The following ANKS1A variants were observed in gnomAD, a reference collection of about 807,000 sequenced individuals.
The protein encoded by ANKS1A is ankyrin repeat and sterile alpha motif domain containing 1A.
ANKS1A carries 55 observed loss-of-function variants against 120.3 expected under a neutral mutation model. The ratio of observed to expected loss-of-function variants is 0.46; its 90% CI spans 0.37 to 0.57. ANKS1A has a LOEUF of 0.57. Ranked by LOEUF, ANKS1A falls within the 20% of genes least tolerant of loss-of-function variation. ANKS1A has a pLI of 0.00. For missense variants in ANKS1A, 1,123 were observed against 1,480.3 expected, an observed-to-expected ratio of 0.76 and a Z score of 3.96; for synonymous variants, 590 against 604.7, an observed-to-expected ratio of 0.98 and a Z score of 0.36.
chr6:35,015,889 C>A (rs1773976404), intron 10 of ANKS1A, among the ~76,000 whole-genome samples: 1 of 152,144 alleles, frequency 6.6e-6, no homozygotes, highest in Admixed American at 6.5e-5. Flanking sequence ...ACCTGGCTAC[C>A]CTCTCCAGTT....
At chr6:34,986,739 A>G (rs998949022) in intron 8 of ANKS1A, among the ~76,000 whole-genome samples, 1 of 152,228 alleles carries the variant, frequency 6.6e-6, no homozygotes, top group Non-Finnish European at 1.5e-5. Flanking sequence ...GTGGTAGTCC[A>G]CCAAAGTGGG....
intron 10 of ANKS1A, among the ~76,000 whole-genome samples, chr6:35,000,882 A>G (rs1460471471): frequency 6.7e-6 from 1 of 148,560 alleles, no homozygotes; most frequent in Non-Finnish European, 1.5e-5. Flanking sequence ...TGTTAATTGT[A>G]AAAAAAAAAA....
Position 34,983,518 on chromosome 6 carries a change from T to C in ANKS1A, c.1012+93T>C, listed in dbSNP as rs189721419. On this transcript the variant is annotated intron_variant, in intron 7 of 23. Coordinates refer to ENST00000360359, the MANE Select transcript of ANKS1A (RefSeq NM_015245.3). ...AATGGAAAAATCTTAATTTAAATAATAATTTTGGGGGATTGTGAGTACTTA... is the reference window on the plus strand; with the variant it reads ...AATGGAAAAATCTTAATTTAAATAACAATTTTGGGGGATTGTGAGTACTTA... The C allele has an allele frequency of 1.6e-3, 1,777 of 1,102,486 alleles. 7 individuals carry two copies. The highest frequency in any genetic ancestry group is 1.5e-3 in the Non-Finnish European group (1,147 of 757,240). The allele number at this position is 1,102,486 out of a possible 1,614,324, so 68.3% of individuals were successfully genotyped here.
chr6:34,899,753 C>T (rs1187334350), intron 1 of ANKS1A, among the ~76,000 whole-genome samples: 1 of 152,200 alleles, frequency 6.6e-6, no homozygotes, highest in Non-Finnish European at 1.5e-5. Context: ...GAGCCCCAGT[C>T]TTGGCTTTGC....
intron 1 of ANKS1A, among the ~76,000 whole-genome samples, chr6:34,915,181 C>T (rs924145882): frequency 1.3e-5 from 2 of 152,138 alleles, no homozygotes; most frequent in African/African-American, 4.8e-5. Context: ...AATATAAATC[C>T]CATCAGGGCT....
chr6:35,038,088 G>T (rs1375027955), intron 11 of ANKS1A, among the ~76,000 whole-genome samples: 3 of 152,170 alleles, frequency 2.0e-5, no homozygotes, highest in African/African-American at 7.2e-5. Context: ...GGTAAGAGTA[G>T]TAGAAGACAG....
intron 11 of ANKS1A, among the ~76,000 whole-genome samples, chr6:35,032,307 T>C (rs1027234531): frequency 1.3e-5 from 2 of 152,144 alleles, no homozygotes; most frequent in Non-Finnish European, 2.9e-5. Context: ...CAGGAGAGGA[T>C]GAGGTCAAGT....
chr6:34,914,879 G>A (rs1768082686), intron 1 of ANKS1A, among the ~76,000 whole-genome samples: 1 of 152,116 alleles, frequency 6.6e-6, no homozygotes, highest in African/African-American at 2.4e-5. Context: ...TCTCTTCCTG[G>A]TGGTCTTATA....
At chr6:34,958,881 A>G (rs1456662417) in intron 1 of ANKS1A, among the ~76,000 whole-genome samples, 1 of 152,146 alleles carries the variant, frequency 6.6e-6, no homozygotes, top group African/African-American at 2.4e-5. Flanking sequence ...CAGTTTGTGT[A>G]CTTCCTTCCC....
intron 11 of ANKS1A, among the ~76,000 whole-genome samples, chr6:35,025,094 C>T (rs1054946986): frequency 6.6e-6 from 1 of 151,984 alleles, no homozygotes; most frequent in Non-Finnish European, 1.5e-5. Flanking sequence ...AGATGAAACA[C>T]CCTTTATATT....
chr6:34,922,802 C>T (rs1412432563), intron 1 of ANKS1A, among the ~76,000 whole-genome samples: 1 of 150,876 alleles, frequency 6.6e-6, no homozygotes, highest in Non-Finnish European at 1.5e-5. Context: ...CAAGTGATTC[C>T]CCTGCCTCAG....
intron 13 of ANKS1A, among the ~76,000 whole-genome samples, chr6:35,063,753 G>A (rs1303029073): frequency 6.6e-6 from 1 of 152,186 alleles, no homozygotes; most frequent in African/African-American, 2.4e-5. Flanking sequence ...AAATAACGTA[G>A]GTGTCTTAAG....
rs1038435922 is a variant in ANKS1A at position 35,018,068 on chromosome 6, G to A, written c.2010+9G>A. 8 of 1,610,158 alleles carry A rather than the reference G, an allele frequency of 5.0e-6. No homozygotes were observed. The highest frequency in any genetic ancestry group is 1.7e-5 in the Admixed American group (1 of 59,898). On this transcript the variant is annotated intron_variant, in intron 11 of 23. Coordinates refer to ENST00000360359, the MANE Select transcript of ANKS1A (RefSeq NM_015245.3). ...CCTCGGAGTGGGATGAGGTAAGGCC[G>A]ACATGACGTCACAGGGAGCTGGGCT...
chr6:35,024,941 C>T (rs2127564276), intron 11 of ANKS1A, among the ~76,000 whole-genome samples: 1 of 152,288 alleles, frequency 6.6e-6, no homozygotes, highest in South Asian at 2.1e-4. Context: ...TGTAAACAAG[C>T]ATGCTGTGTA....
chr6:34,957,430 T>TTA (rs1267504531), intron 1 of ANKS1A, among the ~76,000 whole-genome samples: 1 of 152,258 alleles, frequency 6.6e-6, no homozygotes, highest in African/African-American at 2.4e-5. Context: ...GATGAAATCT[T>TTA]TTCTAAATTA....
chr6:34,937,818 G>C (rs1581719134), intron 1 of ANKS1A, among the ~76,000 whole-genome samples: 1 of 152,306 alleles, frequency 6.6e-6, no homozygotes, highest in East Asian at 1.9e-4. Flanking sequence ...CTGGCATTAG[G>C]AGAATTAATC....
At chr6:35,039,343 A>C (rs1216347117) in intron 11 of ANKS1A, among the ~76,000 whole-genome samples, 1 of 151,608 alleles carries the variant, frequency 6.6e-6, no homozygotes, top group Non-Finnish European at 1.5e-5. Flanking sequence ...GGTTACATGC[A>C]TGCGCCACCA....
At chr6:34,991,291 C>G (rs1365464087) in intron 9 of ANKS1A, among the ~76,000 whole-genome samples, 1 of 152,136 alleles carries the variant, frequency 6.6e-6, no homozygotes, top group Non-Finnish European at 1.5e-5. Flanking sequence ...TACTCACACA[C>G]ATACACATGC....
chr6:35,006,981 A>C lies in ANKS1A; in HGVS notation c.1424-10492A>C, dbSNP rs1581634919. On this transcript the variant is annotated intron_variant, in intron 10 of 23. Transcript: ENST00000360359. ...GCAATATAGTGAGACCCTGTTCTCCACAAAAAAGAATAGAAAAAAGACAAA... is the reference window on the plus strand; with the variant it reads ...GCAATATAGTGAGACCCTGTTCTCCCCAAAAAAGAATAGAAAAAAGACAAA... Among the ~76,000 whole-genome samples the C allele has an allele frequency of 3.9e-5, 6 of 152,164 alleles. No homozygotes were observed. The South Asian group carries it at 1.2e-3, about 32-fold the overall frequency.
Sources: allele counts gnomAD v4.1 joint callset (sites outside exome capture counted in the v4.1 genomes callset), GRCh38; gene constraint gnomAD v4.1.1; transcripts MANE v1.5; gene names NCBI Gene and HGNC (gene_info 2026-07-23, HGNC 2026-07-21).